The following SYNE2 variants were observed in gnomAD, a reference collection of about 807,000 sequenced individuals.
The protein encoded by SYNE2 is spectrin repeat containing nuclear envelope protein 2, also known as nesprin-2.
A neutral mutation model predicts 856.3 loss-of-function variants in SYNE2; 431 were observed. The observed-to-expected ratio is 0.50, with a 90% confidence interval of 0.47 to 0.55. SYNE2 has a LOEUF of 0.55. Ranked by LOEUF, SYNE2 falls within the 20% of genes least tolerant of loss-of-function variation. SYNE2 has a pLI of 0.00. For missense variants in SYNE2, 8,129 were observed against 8,023.2 expected (o/e 1.01, Z -0.50); for synonymous variants, 2,923 against 2,872.3 (o/e 1.02, Z -0.56).
At chr14:63,899,352 C>T (rs2095304990) in intron 1 of SYNE2, among the ~76,000 whole-genome samples, 1 of 152,186 alleles carries the variant, frequency 6.6e-6, no homozygotes, top group East Asian at 1.9e-4. Flanking sequence ...TAGGCGCCTG[C>T]CACCACACCC....
intron 1 of SYNE2, among the ~76,000 whole-genome samples, chr14:63,780,061 A>C (rs1436323234): frequency 6.6e-6 from 1 of 152,234 alleles, no homozygotes; most frequent in Non-Finnish European, 1.5e-5. Flanking sequence ...CATAGGACAC[A>C]TGGTCAATAT....
Position 63,997,189 on chromosome 14 carries a change from A to G in SYNE2, c.3152+31A>G, listed in dbSNP as rs767774465. 7.5e-6 allele frequency: 12 copies of G among 1,605,016 alleles called. No homozygotes were observed. In the South Asian group the frequency reaches 1.2e-4, roughly 16 times the overall value. ...TACTTCATAAGAATAGCTACCCTTCAGGATAAAACGAAGCCTTTTGCACGA... is the reference window on the plus strand; with the variant it reads ...TACTTCATAAGAATAGCTACCCTTCGGGATAAAACGAAGCCTTTTGCACGA... On this transcript the variant is annotated intron_variant, in intron 24 of 115. Coordinates refer to ENST00000555002, the MANE Select transcript of SYNE2 (RefSeq NM_182914.3).
chr14:64,216,447 A>G, intron 108 of SYNE2, 60 bp downstream of exon 108: 3 of 1,577,122 alleles, frequency 1.9e-6, no homozygotes, highest in Non-Finnish European at 8.7e-7. Context: ...TACATTTGCA[A>G]GAGAGAGAGA....
At chr14:63,839,430 C>T (rs567025736) in intron 1 of SYNE2, among the ~76,000 whole-genome samples, 1 of 152,298 alleles carries the variant, frequency 6.6e-6, no homozygotes, top group East Asian at 1.9e-4. Context: ...CATTACCACC[C>T]CCCACGCCCA....
At chr14:63,974,804 G>A (rs58046800) in intron 11 of SYNE2, among the ~76,000 whole-genome samples, 27,569 of 130,398 alleles carry the variant, frequency 0.21, 4,039 homozygotes, top group African/African-American at 0.38. Flanking sequence ...GTGTATATAT[G>A]TGTATATATG....
rs536513471 is a variant in SYNE2 at position 64,060,864 on chromosome 14, A to G, written c.10068-1887A>G. ...GTTGCCCTCTGGCTAGGGCTAGTCT[A>G]AATGCTTCATGGGTGCTGGCTGAGT... On this transcript the variant is annotated intron_variant, in intron 49 of 115. Transcript: ENST00000555002. Among the ~76,000 whole-genome samples, 145 of 152,282 alleles carry G rather than the reference A, an allele frequency of 9.5e-4. 1 individual carries two copies. The highest frequency in any genetic ancestry group is 3.3e-3 in the African/African-American group (139 of 41,560).
intron 64 of SYNE2, 90 bp downstream of exon 64, chr14:64,102,132 C>A: frequency 2.2e-6 from 2 of 916,332 alleles, no homozygotes; most frequent in African/African-American, 1.6e-5. Flanking sequence ...TTTCCCTACA[C>A]CCCTGAGACG....
chr14:64,004,040 C>T (rs34584100), intron 30 of SYNE2, among the ~76,000 whole-genome samples: 57,908 of 151,660 alleles, frequency 0.38, 11,277 homozygotes, highest in African/African-American at 0.43. Context: ...TCTTTTCCTT[C>T]CTTTCGACAG....
intron 48 of SYNE2, among the ~76,000 whole-genome samples, chr14:64,055,244 C>T: frequency 6.6e-6 from 1 of 152,090 alleles, no homozygotes; most frequent in East Asian, 1.9e-4. Context: ...AAATGTAATC[C>T]ATTGTTTTAT....
Position 63,998,303 on chromosome 14 carries a change from G to A in SYNE2, c.3328G>A (p.Ala1110Thr). The change falls in exon 26 of 116, where the codon GCA becomes ACA. Residue 1110 changes from alanine to threonine, a missense_variant. Around this residue, in one of 3 missense-constraint regions of SYNE2, gnomAD observed 2,422 missense variants for 2,357.4 expected, o/e 1.03. Coordinates refer to ENST00000555002, the MANE Select transcript of SYNE2 (RefSeq NM_182914.3). ...EESIMEKDYS[A>T]SINSLLERYD... ...AAGCATTATGGAAAAGGATTACAGT[G>A]CATCTATAAATAGTTTACTAGAGAG... 6.2e-7 allele frequency: 1 copy of A among 1,612,846 alleles called. No homozygotes were observed.
intron 1 of SYNE2, among the ~76,000 whole-genome samples, chr14:63,840,996 A>G (rs1265156491): frequency 6.6e-6 from 1 of 152,178 alleles, no homozygotes; most frequent in African/African-American, 2.4e-5. Context: ...CCTGGGCAAC[A>G]GGAGCAAAAC....
intron 90 of SYNE2, among the ~76,000 whole-genome samples, chr14:64,165,685 G>C (rs555409727): frequency 6.6e-5 from 10 of 151,992 alleles, no homozygotes; most frequent in African/African-American, 2.4e-4. Flanking sequence ...GCTAATTTTT[G>C]TATTTTTTAG....
intron 1 of SYNE2, among the ~76,000 whole-genome samples, chr14:63,799,145 C>T (rs560349403): frequency 6.6e-6 from 1 of 152,304 alleles, no homozygotes; most frequent in South Asian, 2.1e-4. Flanking sequence ...GTGGCGCAAT[C>T]TCTGCTCACT....
chr14:63,999,285 A>G (rs998520980), intron 27 of SYNE2, among the ~76,000 whole-genome samples: 1 of 152,182 alleles, frequency 6.6e-6, no homozygotes, highest in African/African-American at 2.4e-5. Flanking sequence ...CTGGTACTCC[A>G]GATATTGTGG....
rs897842306 is a variant in SYNE2 at position 63,882,826 on chromosome 14, G to A, written c.-51-26272G>A. 2.5e-4 allele frequency among the ~76,000 whole-genome samples: 38 copies of A among 152,188 alleles called. 1 individual carries two copies. On this transcript the variant is annotated intron_variant, in intron 1 of 115. Transcript: ENST00000555002. ...GTTGAGACTTTGGACTCAGGATGGAGCTCAGAGACACAGTGGCTGAGCCAC... is the reference window on the plus strand; with the variant it reads ...GTTGAGACTTTGGACTCAGGATGGAACTCAGAGACACAGTGGCTGAGCCAC...
chr14:64,133,262 A>G (rs2098044226), intron 77 of SYNE2, among the ~76,000 whole-genome samples: 1 of 151,566 alleles, frequency 6.6e-6, no homozygotes, highest in Non-Finnish European at 1.5e-5. Context: ...ATATGGTGTT[A>G]TTTTTTTTGC....
At chr14:64,065,319 C>A in intron 50 of SYNE2, 113 bp from the exon 51 acceptor site, 1 of 909,228 alleles carries the variant, frequency 1.1e-6, no homozygotes, top group Non-Finnish European at 1.7e-6. Context: ...GTGGATCATG[C>A]AATACTTATG....
rs746639091 is a variant in SYNE2 at position 64,209,437 on chromosome 14, G to C, written c.18399G>C (p.Glu6133Asp). Residue 6133 changes from glutamate (E) to aspartate (D), a missense_variant, in exon 102 of 116, where the codon GAG (glutamate) becomes GAC (aspartate). Transcript: ENST00000555002. ...MSMERRMKIE[E>D]TWRLWQKFLD... ...GCTTTGCTCCCATCAGAATCGAGGA[G>C]ACGTGGCGCCTGTGGCAGAAGTTTT... 14 of 1,614,124 alleles carry C rather than the reference G, an allele frequency of 8.7e-6. No homozygotes were observed. The South Asian group carries it at 1.5e-4, about 18-fold the overall frequency.
At chr14:64,175,270 A>T in intron 95 of SYNE2, 132 bp downstream of exon 95, 1 of 975,312 alleles carries the variant, frequency 1.0e-6, no homozygotes, top group Non-Finnish European at 1.5e-6. Context: ...TGTAATCTGT[A>T]AGTCATGCCA....
Sources: gnomAD v4.1 joint callset for allele counts (sites outside exome capture counted in the v4.1 genomes callset) on GRCh38, gnomAD v4.1.1 for gene constraint, gnomAD v4.1.1 regional missense constraint, MANE v1.5 for transcripts, NCBI Gene and HGNC (gene_info 2026-07-23, HGNC 2026-07-21) for gene names.